The following LAMP3 variants were observed in gnomAD, a reference collection of about 807,000 sequenced individuals.
LAMP3 encodes the protein lysosome-associated membrane glycoprotein 3.
A neutral mutation model predicts 34.8 loss-of-function variants in LAMP3; 26 were observed. That is an observed-to-expected ratio of 0.75 (90% CI 0.55 to 1.04). The LOEUF is 1.04. Among genes scored for constraint, LAMP3 ranks in the 50% least tolerant of loss-of-function variants. The pLI is 0.00. For synonymous variants in LAMP3, 180 were observed against 201.9 expected (o/e 0.89, Z 0.92); for missense variants, 495 against 524.0 (o/e 0.94, Z 0.54).
At chr3:183,124,968 T>C (rs1253568101) in intron 5 of LAMP3, among the ~76,000 whole-genome samples, 1 of 152,246 alleles carries the variant, frequency 6.6e-6, no homozygotes, top group East Asian at 1.9e-4. Flanking sequence ...GTATTACTTT[T>C]AGCTAATATT....
intron 1 of LAMP3, among the ~76,000 whole-genome samples, chr3:183,159,415 G>T (rs2108615875): frequency 6.6e-6 from 1 of 152,330 alleles, no homozygotes; most frequent in South Asian, 2.1e-4. Flanking sequence ...GGAGGGGTGA[G>T]GAGGGGAGAC....
intron 3 of LAMP3, among the ~76,000 whole-genome samples, chr3:183,142,643 C>T (rs1156843409): frequency 1.3e-5 from 2 of 152,098 alleles, no homozygotes; most frequent in Non-Finnish European, 2.9e-5. Flanking sequence ...TCCTGCCCTA[C>T]ATTTTCCTCC....
intron 5 of LAMP3, among the ~76,000 whole-genome samples, chr3:183,133,652 A>G (rs1190731622): frequency 6.6e-6 from 1 of 152,200 alleles, no homozygotes; most frequent in Admixed American, 6.5e-5. Context: ...CAACACGCCC[A>G]GTCCTAACTC....
At chr3:183,149,561 AAAAAAAAAAAAAAATATATATATATATAT>A (rs1720552989) in intron 3 of LAMP3, among the ~76,000 whole-genome samples, 1 of 32,224 alleles carries the variant, frequency 3.1e-5, no homozygotes, top group African/African-American at 9.0e-5. Flanking sequence ...AAAAAAAAAA[AAAAAAAAAAAAAAATATATATATATATAT>A]ATATATATAT....
chr3:183,140,582 T>C lies in LAMP3; in HGVS notation c.902A>G (p.Tyr301Cys), dbSNP rs1210730356. Residue 301 changes from tyrosine (Y) to cysteine (C), a missense_variant, in exon 4 of 6, where the codon TAT (tyrosine) becomes TGT (cysteine). Transcript: ENST00000265598. ...ATAGGCTCCCACTTCACTGATATAA[T>C]ATGATTCTTCATCCTGTAAAACAGT... ...NLTFTKDEES[Y>C]YISEVGAYLT... 8 of 1,600,634 alleles carry C rather than the reference T, an allele frequency of 5.0e-6. No individual in the cohort carries two copies. Among genetic ancestry groups the C allele is most frequent in the Non-Finnish European group, 6.9e-6 (8 of 1,167,850 alleles).
chr3:183,146,231 G>A (rs1179227506), intron 3 of LAMP3, among the ~76,000 whole-genome samples: 1 of 152,188 alleles, frequency 6.6e-6, no homozygotes, highest in Non-Finnish European at 1.5e-5. Context: ...ATAGAGGCCA[G>A]AAATGCTGCT....
At chr3:183,152,539 T>C (rs1720673831) in intron 2 of LAMP3, 36 bp from the exon 3 acceptor site, 1 of 1,572,226 alleles carries the variant, frequency 6.4e-7, no homozygotes, top group East Asian at 2.3e-5. Flanking sequence ...AAATGAGATG[T>C]AGAGGAAAAC....
At chr3:183,135,979 C>T in intron 4 of LAMP3, 92 bp from the exon 5 acceptor site, 1 of 962,878 alleles carries the variant, frequency 1.0e-6, no homozygotes, top group Non-Finnish European at 1.6e-6. Flanking sequence ...GCTAAATGGC[C>T]TTCCTTCCTT....
Position 183,122,675 on chromosome 3 carries a change from T to C in LAMP3, c.*1406A>G, listed in dbSNP as rs551860689. 1 of 152,370 alleles carries C rather than the reference T, an allele frequency of 6.6e-6. No homozygotes were observed. Among genetic ancestry groups the C allele is most frequent in the East Asian group, 1.9e-4 (1 of 5,196 alleles). The allele number at this position is 152,370 out of a possible 1,614,324, so 9.4% of individuals were successfully genotyped here. Reference sequence around the variant, plus strand: ...CCCATAAAAATGAGCAACTGACTAATGTTTTACAAAGCCCCTCAGTCTCCT... The same window carrying C: ...CCCATAAAAATGAGCAACTGACTAACGTTTTACAAAGCCCCTCAGTCTCCT... On this transcript the variant is annotated 3_prime_UTR_variant, in exon 6 of 6. Transcript: ENST00000265598.
intron 5 of LAMP3, among the ~76,000 whole-genome samples, chr3:183,134,080 C>G (rs931636434): frequency 1.3e-5 from 2 of 152,144 alleles, no homozygotes; most frequent in Non-Finnish European, 2.9e-5. Flanking sequence ...GTAGAAAATC[C>G]TATTTACAGA....
At chr3:183,159,827 C>T (rs1260872691) in intron 1 of LAMP3, among the ~76,000 whole-genome samples, 1 of 152,214 alleles carries the variant, frequency 6.6e-6, no homozygotes, top group African/African-American at 2.4e-5. Context: ...GTGTTAAGAT[C>T]ATGTGGGCCT....
intron 3 of LAMP3, among the ~76,000 whole-genome samples, chr3:183,147,942 C>A (rs1720496010): frequency 6.6e-6 from 1 of 152,114 alleles, no homozygotes; most frequent in African/African-American, 2.4e-5. Context: ...ATCTCAAACT[C>A]CCGGGTTCAT....
At chr3:183,162,188 T>TAAAA (rs71185636) in intron 1 of LAMP3, among the ~76,000 whole-genome samples, 10 of 144,042 alleles carry the variant, frequency 6.9e-5, no homozygotes, top group Non-Finnish European at 1.1e-4. Flanking sequence ...AATGATCATT[T>TAAAA]AAAAAAAAAA....
At chr3:183,156,312 G>C (rs895952956) in intron 1 of LAMP3, among the ~76,000 whole-genome samples, 3 of 152,288 alleles carry the variant, frequency 2.0e-5, no homozygotes, top group Middle Eastern at 6.8e-3. Context: ...AGTGAGTTGA[G>C]ATCATGCCAT....
At chr3:183,138,102 C>A (rs1049252800) in intron 4 of LAMP3, among the ~76,000 whole-genome samples, 1 of 152,014 alleles carries the variant, frequency 6.6e-6, no homozygotes, top group Non-Finnish European at 1.5e-5. Context: ...GTATTACAGG[C>A]GTGAACCACT....
At position 183,146,354 on chromosome 3, in the gene LAMP3, C is replaced by T. The variant is rs189024898; in HGVS notation, c.889-5759G>A. 5.9e-4 allele frequency among the ~76,000 whole-genome samples: 90 copies of T among 152,174 alleles called. 1 individual carries two copies. The highest frequency in any genetic ancestry group is 5.8e-3 in the Admixed American group (88 of 15,282). Reference sequence around the variant, plus strand: ...TTAGAAAGCAGCAACATTTCAAAAGCGACTGACTGAATGGTTGAGTCCATT... The same window carrying T: ...TTAGAAAGCAGCAACATTTCAAAAGTGACTGACTGAATGGTTGAGTCCATT... On this transcript the variant is annotated intron_variant, in intron 3 of 5. Coordinates refer to ENST00000265598, the MANE Select transcript of LAMP3 (RefSeq NM_014398.4).
rs373624144 is a variant in LAMP3 at position 183,152,489 on chromosome 3, C to T, written c.774G>A (p.Arg258=). The part of the protein sequence containing the change: ...VQDKESVFSP[R]RYFNIDPNAT... Reference sequence around the variant, plus strand: ...CGTTGGGGTCGATGTTGAAGTATCTCCGAGGTGAAAAAACCTAAATCAAGT... The same window carrying T: ...CGTTGGGGTCGATGTTGAAGTATCTTCGAGGTGAAAAAACCTAAATCAAGT... Residue 258 remains arginine, a synonymous_variant, in exon 3 of 6, where the codon CGG becomes CGA. Transcript: ENST00000265598. The T allele has an allele frequency of 2.5e-6, 4 of 1,609,450 alleles. No individual in the cohort carries two copies. Among genetic ancestry groups the T allele is most frequent in the Middle Eastern group, 1.7e-4 (1 of 5,818 alleles).
At chr3:183,161,775 T>C (rs908186661) in intron 1 of LAMP3, 2 of 165,630 alleles carry the variant, frequency 1.2e-5, no homozygotes, top group African/African-American at 4.8e-5. Flanking sequence ...TAGGCTGAGA[T>C]TGTTTTGCTT....
intron 4 of LAMP3, among the ~76,000 whole-genome samples, chr3:183,139,732 G>A (rs1189710931): frequency 2.0e-5 from 3 of 152,140 alleles, no homozygotes; most frequent in East Asian, 3.9e-4. Flanking sequence ...GTGAAACCGC[G>A]AATAAGGTCG....
Sources: gnomAD v4.1 joint callset for allele counts (sites outside exome capture counted in the v4.1 genomes callset) on GRCh38, gnomAD v4.1.1 for gene constraint, MANE v1.5 for transcripts, NCBI Gene and HGNC (gene_info 2026-07-23, HGNC 2026-07-21) for gene names.